UNC5D: variants seen among roughly 807,000 people sequenced by gnomAD.
UNC5D encodes netrin receptor UNC5D.
A neutral mutation model predicts 105.4 loss-of-function variants in UNC5D; 39 were observed. The ratio of observed to expected loss-of-function variants is 0.37; its 90% CI spans 0.29 to 0.48. UNC5D has a LOEUF of 0.48. Ranked by LOEUF, UNC5D falls within the 20% of genes least tolerant of loss-of-function variation. UNC5D has a pLI of 0.98. For synonymous variants in UNC5D, 452 were observed against 450.4 expected (o/e 1.00, Z -0.04); for missense variants, 991 against 1,202.4 (o/e 0.82, Z 2.60).
chr8:35,365,614 A>G (rs2128921305), intron 1 of UNC5D, among the ~76,000 whole-genome samples: 1 of 150,804 alleles, frequency 6.6e-6, no homozygotes, highest in African/African-American at 2.4e-5. Context: ...AAAAAAAAAA[A>G]AAAGCAGCTG....
chr8:35,597,105 A>T (rs913053321), intron 4 of UNC5D, among the ~76,000 whole-genome samples: 1 of 152,194 alleles, frequency 6.6e-6, no homozygotes, highest in African/African-American at 2.4e-5. Context: ...AATTGGCAGG[A>T]CAAAAAAGGA....
At chr8:35,291,041 G>C (rs1807028074) in intron 1 of UNC5D, among the ~76,000 whole-genome samples, 1 of 152,076 alleles carries the variant, frequency 6.6e-6, no homozygotes, top group Non-Finnish European at 1.5e-5. Flanking sequence ...ATCCTTGTGG[G>C]AGAGGGATTT....
chr8:35,281,684 G>A (rs1432800072), intron 1 of UNC5D, among the ~76,000 whole-genome samples: 1 of 152,150 alleles, frequency 6.6e-6, no homozygotes, highest in Non-Finnish European at 1.5e-5. Flanking sequence ...GATTCCTGCA[G>A]AATGTTCTCC....
chr8:35,356,964 A>G (rs1377443793), intron 1 of UNC5D, among the ~76,000 whole-genome samples: 2 of 152,140 alleles, frequency 1.3e-5, no homozygotes, highest in African/African-American at 2.4e-5. Flanking sequence ...TCTTTAAAAT[A>G]TAAATTTTTT....
intron 1 of UNC5D, among the ~76,000 whole-genome samples, chr8:35,480,943 A>G (rs951400139): frequency 3.9e-5 from 6 of 152,136 alleles, no homozygotes; most frequent in African/African-American, 1.4e-4. Context: ...TTAAGATGAC[A>G]ATTAGATCTC....
At chr8:35,757,810 T>C (rs1022636938) in intron 13 of UNC5D, among the ~76,000 whole-genome samples, 20 of 152,304 alleles carry the variant, frequency 1.3e-4, no homozygotes, top group Admixed American at 1.0e-3. Flanking sequence ...TTTTCTTCCA[T>C]TCCTTGTAGC....
intron 3 of UNC5D, among the ~76,000 whole-genome samples, chr8:35,580,985 C>A (rs557460155): frequency 1.3e-5 from 2 of 152,242 alleles, no homozygotes; most frequent in Admixed American, 1.3e-4. Flanking sequence ...GTTCTGGGAC[C>A]AACTATTCAG....
intron 1 of UNC5D, among the ~76,000 whole-genome samples, chr8:35,321,829 A>G (rs906198925): frequency 6.6e-6 from 1 of 152,090 alleles, no homozygotes; most frequent in Non-Finnish European, 1.5e-5. Flanking sequence ...GAGGCCCCTG[A>G]CTTTCTTTCT....
intron 4 of UNC5D, among the ~76,000 whole-genome samples, chr8:35,667,088 C>T (rs1824472299): frequency 6.6e-6 from 1 of 151,966 alleles, no homozygotes. Context: ...TTGTTTACTT[C>T]TTAGAGATCC....
intron 4 of UNC5D, among the ~76,000 whole-genome samples, chr8:35,635,133 C>T (rs1284699367): frequency 1.3e-5 from 2 of 152,078 alleles, no homozygotes; most frequent in Non-Finnish European, 2.9e-5. Context: ...TTTTTTCTCT[C>T]TCTCTATCCT....
chr8:35,721,493 G>T (rs543588474), intron 8 of UNC5D: 151 of 702,742 alleles, frequency 2.1e-4, no homozygotes, highest in Non-Finnish European at 2.2e-4. Flanking sequence ...AGCATGTGCC[G>T]TCCTAGCAAC....
At chr8:35,472,924 G>T (rs974499705) in intron 1 of UNC5D, among the ~76,000 whole-genome samples, 1 of 152,104 alleles carries the variant, frequency 6.6e-6, no homozygotes, top group Admixed American at 6.6e-5. Context: ...TTCCACAGGT[G>T]GTCAATGACA....
chr8:35,770,262 A>ATC (rs1801951844), intron 15 of UNC5D, among the ~76,000 whole-genome samples: 2 of 152,146 alleles, frequency 1.3e-5, no homozygotes, highest in South Asian at 2.1e-4. Context: ...AAATACTTTA[A>ATC]ATATTGATTT....
intron 1 of UNC5D, among the ~76,000 whole-genome samples, chr8:35,366,788 G>A (rs1802147245): frequency 6.6e-6 from 1 of 151,988 alleles, no homozygotes; most frequent in Non-Finnish European, 1.5e-5. Flanking sequence ...TAAAAAATCA[G>A]GGTTATTGTG....
rs1303789176 is a variant in UNC5D, at chr8:35,794,866, A to G, written c.*4303A>G. The G allele has an allele frequency of 6.6e-6, 1 of 152,192 alleles. No individual in the cohort carries two copies. Among genetic ancestry groups the G allele is most frequent in the Non-Finnish European group, 1.5e-5 (1 of 68,036 alleles). The allele number at this position is 152,192 out of a possible 1,614,324, so 9.4% of individuals were successfully genotyped here. A position where few individuals can be genotyped will look rare whatever the true frequency, so the allele number is the denominator to read the frequency against. ...CAACTTGTACACTGTAATTCTTCGA[A>G]AAGTAACAGGGGATGGAAATCAGAC... On this transcript the variant is annotated 3_prime_UTR_variant, in exon 17 of 17. Transcript: ENST00000404895.
At chr8:35,452,843 A>G (rs1444964333) in intron 1 of UNC5D, among the ~76,000 whole-genome samples, 2 of 152,180 alleles carry the variant, frequency 1.3e-5, no homozygotes, top group African/African-American at 2.4e-5. Context: ...TGGAAAGATA[A>G]CAGACTTACG....
In UNC5D at chr8:35,283,742, T is replaced by C. The variant is rs2128853127; in HGVS notation, c.103+47855T>C. Among the ~76,000 whole-genome samples, 2 of 151,808 alleles carry C rather than the reference T, an allele frequency of 1.3e-5. 1 individual carries two copies. Among genetic ancestry groups the C allele is most frequent in the South Asian group, 4.2e-4 (2 of 4,798 alleles). ...TCTCTTGAACCCAGAAGGTGGAGGT[T>C]GCAGTGAGCTGAGATTGCGCCACTA... On this transcript the variant is annotated intron_variant, in intron 1 of 16. Transcript: ENST00000404895.
intron 7 of UNC5D, among the ~76,000 whole-genome samples, chr8:35,701,644 C>G (rs1228972910): frequency 6.6e-6 from 1 of 152,122 alleles, no homozygotes; most frequent in Non-Finnish European, 1.5e-5. Context: ...ATACCTCCCC[C>G]CTCATATACA....
At chr8:35,719,247 C>A (rs1204740367) in intron 8 of UNC5D, among the ~76,000 whole-genome samples, 3 of 151,502 alleles carry the variant, frequency 2.0e-5, no homozygotes, top group Non-Finnish European at 2.9e-5. Context: ...ACCTTGGGGC[C>A]AGTACTGAAC....
Sources: gnomAD v4.1 joint callset for allele counts (sites outside exome capture counted in the v4.1 genomes callset) on GRCh38, gnomAD v4.1.1 for gene constraint, MANE v1.5 for transcripts, NCBI Gene and HGNC (gene_info 2026-07-23, HGNC 2026-07-21) for gene names.